Variants in PAK1 observed in about 807,000 individuals in gnomAD.
PAK1 encodes serine/threonine-protein kinase PAK 1.
A neutral mutation model predicts 67.4 loss-of-function variants in PAK1; 29 were observed. The ratio of observed to expected loss-of-function variants is 0.43; its 90% CI spans 0.32 to 0.59. The LOEUF (loss-of-function observed/expected upper bound fraction) is 0.59. Ranked by LOEUF, PAK1 falls within the 20% of genes least tolerant of loss-of-function variation. PAK1 has a pLI of 0.07. For missense variants in PAK1, 337 were observed against 670.7 expected (o/e 0.50, Z 5.50); for synonymous variants, 223 against 237.4 (o/e 0.94, Z 0.56).
intron 1 of PAK1, among the ~76,000 whole-genome samples, chr11:77,394,703 G>C (rs898704404): frequency 1.3e-5 from 2 of 152,102 alleles, no homozygotes; most frequent in Non-Finnish European, 2.9e-5. Flanking sequence ...AAATTAGCTG[G>C]GCATGGTGGC....
At position 77,352,757 on chromosome 11, in the gene PAK1, T is replaced by C. The variant is rs537856579; in HGVS notation, c.836+779A>G. Among the ~76,000 whole-genome samples, 16 of 152,314 alleles carry C rather than the reference T, an allele frequency of 1.1e-4. No individual in the cohort carries two copies. The South Asian group carries it at 2.1e-3, about 20-fold the overall frequency. On this transcript the variant is annotated intron_variant, in intron 8 of 14. Transcript: ENST00000356341. ...ATATACAACCACCATTGTGTTATAA[T>C]TGCCTACAGTATTCAGTACAGTAAC...
At chr11:77,423,450 G>A (rs190977011) in intron 1 of PAK1, among the ~76,000 whole-genome samples, 1 of 141,562 alleles carries the variant, frequency 7.1e-6, no homozygotes, top group Non-Finnish European at 1.5e-5. Flanking sequence ...CACCCCTTAG[G>A]ACAATAGTAA....
chr11:77,395,553 A>T (rs926250167), intron 1 of PAK1, among the ~76,000 whole-genome samples: 6 of 152,176 alleles, frequency 3.9e-5, no homozygotes, highest in South Asian at 4.2e-4. Flanking sequence ...AAACCTCAGA[A>T]ATCTGTTCCA....
At chr11:77,521,110 T>C in the PAK1 span, among the ~76,000 whole-genome samples, 1 of 151,908 alleles carries the variant, frequency 6.6e-6, no homozygotes, top group African/African-American at 2.4e-5. Context: ...CTTGGCTTAA[T>C]TGGCAGGAAG....
intron 1 of PAK1, among the ~76,000 whole-genome samples, chr11:77,393,618 G>A (rs1459953440): frequency 6.6e-6 from 1 of 152,110 alleles, no homozygotes; most frequent in Non-Finnish European, 1.5e-5. Flanking sequence ...AATATAAAAT[G>A]GTCAATGCAG....
chr11:77,521,303 G>C, the PAK1 span, among the ~76,000 whole-genome samples: 138 of 152,278 alleles, frequency 9.1e-4, 1 homozygote, highest in Middle Eastern at 6.8e-3. Flanking sequence ...GCCAAGGCAG[G>C]CAGATCCCCT....
At chr11:77,324,776 CAGAGAGAGAG>C (rs749691736) in intron 14 of PAK1, among the ~76,000 whole-genome samples, 7 of 126,822 alleles carry the variant, frequency 5.5e-5, no homozygotes, top group African/African-American at 2.8e-4. Flanking sequence ...CACACACACA[CAGAGAGAGAG>C]AGAGACAGAG....
intron 7 of PAK1, 131 bp downstream of exon 7, chr11:77,355,537 G>A (rs1027149011): frequency 5.7e-6 from 4 of 704,144 alleles, no homozygotes; most frequent in Non-Finnish European, 1.0e-5. Flanking sequence ...GGCAGGGTGA[G>A]GAGAAGCAGT....
chr11:77,520,729 C>T, the PAK1 span, among the ~76,000 whole-genome samples: 2 of 152,174 alleles, frequency 1.3e-5, no homozygotes, highest in African/African-American at 4.8e-5. Context: ...CGAAGAAGTC[C>T]CAGGGCTTCA....
chr11:77,451,597 G>GA (rs1555173246), intron 1 of PAK1, among the ~76,000 whole-genome samples: 6 of 148,132 alleles, frequency 4.1e-5, no homozygotes, highest in Non-Finnish European at 7.5e-5. Flanking sequence ...AATGTCTTTT[G>GA]TTTTTTTTTG....
chr11:77,521,016 C>T, the PAK1 span, among the ~76,000 whole-genome samples: 1 of 152,144 alleles, frequency 6.6e-6, no homozygotes, highest in African/African-American at 2.4e-5. Flanking sequence ...CCCTATCTTC[C>T]CTGCTGTCAG....
chr11:77,469,702 T>A (rs76471480), intron 1 of PAK1, among the ~76,000 whole-genome samples: 7 of 151,668 alleles, frequency 4.6e-5, no homozygotes, highest in East Asian at 1.9e-4. Flanking sequence ...TTTTTTTTTT[T>A]AATAATGGGC....
chr11:77,460,552 C>T (rs930942571), intron 1 of PAK1, among the ~76,000 whole-genome samples: 1 of 145,046 alleles, frequency 6.9e-6, no homozygotes, highest in Admixed American at 6.9e-5. Context: ...CCCAGGAGCA[C>T]TTTTTTTTTT....
intron 1 of PAK1, among the ~76,000 whole-genome samples, chr11:77,471,099 T>TATGC (rs2135572719): frequency 6.6e-6 from 1 of 152,334 alleles, no homozygotes; most frequent in African/African-American, 2.4e-5. Context: ...GTGCCTGCTA[T>TATGC]ATGCAGTCAC....
chr11:77,384,546 T>C (rs912434729), intron 2 of PAK1, among the ~76,000 whole-genome samples: 1 of 152,176 alleles, frequency 6.6e-6, no homozygotes, highest in Non-Finnish European at 1.5e-5. Context: ...ATGCAGTACA[T>C]CCATATACTA....
intron 1 of PAK1, among the ~76,000 whole-genome samples, chr11:77,430,365 A>G (rs1955803909): frequency 6.6e-6 from 1 of 152,224 alleles, no homozygotes; most frequent in Non-Finnish European, 1.5e-5. Flanking sequence ...CACTGAGATA[A>G]TGACCTTGCT....
intron 1 of PAK1, among the ~76,000 whole-genome samples, chr11:77,447,817 T>C (rs931307692): frequency 2.6e-5 from 4 of 152,186 alleles, no homozygotes; most frequent in South Asian, 2.1e-4. Context: ...TGAGCCACCA[T>C]GCCCAGCCAA....
chr11:77,345,031 T>A (rs1944194291), intron 9 of PAK1, among the ~76,000 whole-genome samples: 1 of 152,148 alleles, frequency 6.6e-6, no homozygotes, highest in Non-Finnish European at 1.5e-5. Flanking sequence ...AAAAGCTACT[T>A]ACTCTTTTTG....
chr11:77,528,669 G>A, the PAK1 span, among the ~76,000 whole-genome samples: 1 of 152,262 alleles, frequency 6.6e-6, no homozygotes, highest in South Asian at 2.1e-4. Flanking sequence ...AAGTCTTCTT[G>A]AATCTGTACT....
Sources: gnomAD v4.1 joint callset for allele counts (sites outside exome capture counted in the v4.1 genomes callset) on GRCh38, gnomAD v4.1.1 for gene constraint, MANE v1.5 for transcripts, NCBI Gene and HGNC (gene_info 2026-07-23, HGNC 2026-07-21) for gene names.